Variants in BCKDHB observed in about 807,000 individuals in gnomAD.
BCKDHB encodes the protein branched chain keto acid dehydrogenase E1 subunit beta, also known as 2-oxoisovalerate dehydrogenase subunit beta, mitochondrial.
Under a neutral mutation model 48.5 loss-of-function variants are expected in BCKDHB, and 41 were observed. The observed-to-expected ratio is 0.85, with a 90% CI of 0.66 to 1.10. The LOEUF is 1.10. Ranked by LOEUF, BCKDHB falls within the 50% of genes least tolerant of loss-of-function variation. BCKDHB has a pLI of 0.00. For synonymous variants in BCKDHB, 201 were observed against 174.8 expected (o/e 1.15, Z -1.18); for missense variants, 496 against 494.2 (o/e 1.00, Z -0.03).
intron 9 of BCKDHB, among the ~76,000 whole-genome samples, chr6:80,301,467 G>A (rs1767575995): frequency 1.3e-5 from 2 of 152,030 alleles, no homozygotes; most frequent in South Asian, 2.1e-4. Flanking sequence ...AACCTCCAAA[G>A]ATTGAACCAA....
chr6:80,139,820 A>AT (rs1752079193), intron 3 of BCKDHB, among the ~76,000 whole-genome samples: 2 of 151,744 alleles, frequency 1.3e-5, no homozygotes, highest in South Asian at 4.1e-4. Flanking sequence ...CTTTAAAGTC[A>AT]TTTTTTCCAA....
intron 9 of BCKDHB, among the ~76,000 whole-genome samples, chr6:80,275,760 A>G (rs182229245): frequency 2.6e-5 from 4 of 151,884 alleles, no homozygotes; most frequent in Non-Finnish European, 5.9e-5. Context: ...TTTCATGCAG[A>G]TATTCAACTA....
the BCKDHB span, among the ~76,000 whole-genome samples, chr6:80,466,518 C>A: frequency 2.9e-4 from 44 of 152,190 alleles, no homozygotes; most frequent in Admixed American, 1.3e-3. Context: ...TACACACACA[C>A]AATATATATA....
intron 8 of BCKDHB, among the ~76,000 whole-genome samples, chr6:80,222,348 T>C (rs1775494951): frequency 6.6e-6 from 1 of 152,214 alleles, no homozygotes; most frequent in African/African-American, 2.4e-5. Flanking sequence ...AGTCATTTAA[T>C]TGGCAGCTAT....
At chr6:80,367,367 T>C in the BCKDHB span, among the ~76,000 whole-genome samples, 1 of 152,200 alleles carries the variant, frequency 6.6e-6, no homozygotes, top group East Asian at 1.9e-4. Flanking sequence ...AACTTATATG[T>C]GTACTCACCA....
chr6:80,215,338 A>G (rs1275811575), intron 8 of BCKDHB, among the ~76,000 whole-genome samples: 3 of 152,314 alleles, frequency 2.0e-5, no homozygotes, highest in East Asian at 3.9e-4. Flanking sequence ...CATGATCACA[A>G]CTAGTTAGTT....
intron 9 of BCKDHB, among the ~76,000 whole-genome samples, chr6:80,285,488 G>A (rs1241561960): frequency 1.3e-5 from 2 of 150,094 alleles, no homozygotes; most frequent in African/African-American, 4.9e-5. Flanking sequence ...CAGTAGCATG[G>A]GTAAATCCTT....
chr6:80,385,208 C>A, the BCKDHB span, among the ~76,000 whole-genome samples: 3 of 152,140 alleles, frequency 2.0e-5, no homozygotes, highest in Non-Finnish European at 4.4e-5. Context: ...GCTTCAGAAG[C>A]AGATACTGAA....
chr6:80,401,879 A>G, the BCKDHB span, among the ~76,000 whole-genome samples: 1 of 151,648 alleles, frequency 6.6e-6, no homozygotes, highest in Non-Finnish European at 1.5e-5. Context: ...TGTTCTCTAG[A>G]TCTATTCATA....
chr6:80,327,524 C>T (rs1415487157), intron 9 of BCKDHB, among the ~76,000 whole-genome samples: 1 of 152,182 alleles, frequency 6.6e-6, no homozygotes, highest in Non-Finnish European at 1.5e-5. Flanking sequence ...TTAATTGACT[C>T]ACAATCCCAC....
chr6:80,304,006 G>C (rs1254441200), intron 9 of BCKDHB, among the ~76,000 whole-genome samples: 2 of 152,152 alleles, frequency 1.3e-5, no homozygotes, highest in Admixed American at 1.3e-4. Flanking sequence ...TTTGTGAACA[G>C]AGGAATATTA....
At chr6:80,428,971 C>T in the BCKDHB span, among the ~76,000 whole-genome samples, 614 of 152,212 alleles carry the variant, frequency 4.0e-3, 4 homozygotes, top group African/African-American at 0.014. Context: ...AATGGTATTG[C>T]CTAGGTTTTC....
chr6:80,123,045 A>G (rs1356869387), intron 1 of BCKDHB, among the ~76,000 whole-genome samples: 6 of 136,208 alleles, frequency 4.4e-5, no homozygotes, highest in Admixed American at 1.8e-4. Flanking sequence ...AAAAGAATTT[A>G]GCAATATCTC....
chr6:80,255,331 T>C (rs1242577932), intron 8 of BCKDHB, among the ~76,000 whole-genome samples: 1 of 152,218 alleles, frequency 6.6e-6, no homozygotes. Flanking sequence ...ATGTTTCTAC[T>C]GTTTTTCAAA....
rs1001540842 is a variant in BCKDHB, at chr6:80,201,134, C to T, written c.840+103C>T. 2.2e-5 allele frequency: 21 copies of T among 974,150 alleles called. No homozygotes were observed. In the African/African-American group the frequency reaches 3.4e-4, roughly 16 times the overall value. The allele number at this position is 974,150 out of a possible 1,614,324, so 60.3% of individuals were successfully genotyped here. A position where few individuals can be genotyped will look rare whatever the true frequency, so the allele number is the denominator to read the frequency against. On this transcript the variant is annotated intron_variant, in intron 7 of 9. Transcript: ENST00000320393. The stretch of plus-strand genomic sequence containing the variant: ...ATTGAAAACGATGTTTTCTTTATAT[C>T]TCAGATTAAGTCTGGTGCTACTGAT...
At chr6:80,315,065 G>A (rs565013194) in intron 9 of BCKDHB, among the ~76,000 whole-genome samples, 3 of 152,272 alleles carry the variant, frequency 2.0e-5, no homozygotes, top group Admixed American at 6.5e-5. Context: ...GGAATTCCAA[G>A]CCACTGGGTC....
chr6:80,438,172 A>G, the BCKDHB span, among the ~76,000 whole-genome samples: 5 of 152,362 alleles, frequency 3.3e-5, no homozygotes, highest in Non-Finnish European at 7.3e-5. Context: ...CATACACACT[A>G]GGAAACACAG....
chr6:80,370,775 GCGTGTGTGTGTATATA>G, the BCKDHB span, among the ~76,000 whole-genome samples: 2 of 44,688 alleles, frequency 4.5e-5, no homozygotes, highest in East Asian at 4.3e-4. Flanking sequence ...TGTATATATA[GCGTGTGTGTGTATATA>G]TAGCGTGTGT....
At chr6:80,440,139 A>T in the BCKDHB span, among the ~76,000 whole-genome samples, 1 of 152,204 alleles carries the variant, frequency 6.6e-6, no homozygotes, top group African/African-American at 2.4e-5. Flanking sequence ...TGGCAGCAGG[A>T]TGTTAGATGA....
Sources: gnomAD v4.1 joint callset for allele counts (sites outside exome capture counted in the v4.1 genomes callset) on GRCh38, gnomAD v4.1.1 for gene constraint, MANE v1.5 for transcripts, NCBI Gene and HGNC (gene_info 2026-07-23, HGNC 2026-07-21) for gene names.